CDH20: variants seen among roughly 807,000 people sequenced by gnomAD.
CDH20 encodes the protein cadherin-20.
In CDH20, 29 loss-of-function variants were observed where a neutral mutation model predicts 74.2. The observed-to-expected ratio is 0.39, with a 90% CI of 0.29 to 0.53. The LOEUF (loss-of-function observed/expected upper bound fraction) is 0.53. Ranked by LOEUF, CDH20 falls within the 20% of genes least tolerant of loss-of-function variation. The pLI is 0.69. For missense variants in CDH20, 988 were observed against 1,048.3 expected (o/e 0.94, Z 0.79); for synonymous variants, 469 against 405.4 (o/e 1.16, Z -1.88).
At chr18:61,427,732 T>C (rs545851758) in intron 1 of CDH20, among the ~76,000 whole-genome samples, 1 of 152,366 alleles carries the variant, frequency 6.6e-6, no homozygotes, top group East Asian at 1.9e-4. Context: ...CAGCACTAGC[T>C]GGTTGATCAC....
At chr18:61,507,307 A>G in intron 5 of CDH20, 66 bp from the exon 6 acceptor site, 1 of 1,450,252 alleles carries the variant, frequency 6.9e-7, no homozygotes, top group Non-Finnish European at 9.6e-7. Flanking sequence ...TCCTGATATG[A>G]TAATGATGAG....
At chr18:61,415,729 C>G (rs1912659959) in intron 1 of CDH20, among the ~76,000 whole-genome samples, 1 of 151,960 alleles carries the variant, frequency 6.6e-6, no homozygotes, top group Non-Finnish European at 1.5e-5. Flanking sequence ...TATCTCTTTC[C>G]TTTATCATTT....
At chr18:61,378,372 C>T (rs2144173662) in intron 1 of CDH20, among the ~76,000 whole-genome samples, 1 of 152,226 alleles carries the variant, frequency 6.6e-6, no homozygotes, top group Admixed American at 6.5e-5. Flanking sequence ...AGTTCAGGTC[C>T]AAAGGTGGGA....
At chr18:61,537,301 T>C (rs937829369) in intron 8 of CDH20, among the ~76,000 whole-genome samples, 1 of 152,154 alleles carries the variant, frequency 6.6e-6, no homozygotes. Context: ...CCAAAATATT[T>C]ATACTCTTTC....
intron 1 of CDH20, among the ~76,000 whole-genome samples, chr18:61,426,622 T>C (rs1321947206): frequency 1.3e-5 from 2 of 152,208 alleles, no homozygotes; most frequent in African/African-American, 4.8e-5. Context: ...TATCTGCCCA[T>C]TGACTCCCAG....
chr18:61,462,390 A>G (rs1352222789), intron 1 of CDH20, among the ~76,000 whole-genome samples: 2 of 152,254 alleles, frequency 1.3e-5, no homozygotes, highest in East Asian at 3.9e-4. Flanking sequence ...CTGCCTCAAT[A>G]TTGGGTTAAG....
intron 7 of CDH20, 136 bp downstream of exon 7, chr18:61,528,356 G>GT: frequency 4.1e-5 from 34 of 823,018 alleles, no homozygotes; most frequent in South Asian, 8.3e-5. Flanking sequence ...AGTTTTTTGT[G>GT]TTGTTTTTTT....
chr18:61,427,428 C>T (rs760927096), intron 1 of CDH20, among the ~76,000 whole-genome samples: 18 of 152,100 alleles, frequency 1.2e-4, no homozygotes, highest in Non-Finnish European at 2.4e-4. Flanking sequence ...TGATTCCCAC[C>T]TTGATAGCCT....
intron 5 of CDH20, among the ~76,000 whole-genome samples, chr18:61,505,799 A>C (rs1166948521): frequency 6.6e-6 from 1 of 152,234 alleles, no homozygotes; most frequent in Non-Finnish European, 1.5e-5. Context: ...GTCTCTATGC[A>C]TTCTACACAC....
intron 1 of CDH20, among the ~76,000 whole-genome samples, chr18:61,425,088 G>A (rs1913027564): frequency 1.5e-5 from 2 of 129,692 alleles, no homozygotes; most frequent in South Asian, 4.9e-4. Flanking sequence ...ACTCACTCCG[G>A]CTCTAGGTAT....
intron 1 of CDH20, among the ~76,000 whole-genome samples, chr18:61,374,632 T>G (rs554377322): frequency 5.9e-5 from 9 of 152,298 alleles, no homozygotes; most frequent in Admixed American, 5.9e-4. Context: ...TATGAAATTT[T>G]TATGTTTAAA....
At chr18:61,343,642 G>C (rs144262089) in intron 1 of CDH20, among the ~76,000 whole-genome samples, 1 of 152,152 alleles carries the variant, frequency 6.6e-6, no homozygotes, top group African/African-American at 2.4e-5. Flanking sequence ...CACTGGCCAG[G>C]AAAGGGCTCA....
chr18:61,550,086 G>A lies in CDH20; in HGVS notation c.1757G>A (p.Ser586Asn). Reference protein sequence around the residue: ...IADSGQPVLSSTGTLTIQVCS... With the variant: ...IADSGQPVLSNTGTLTIQVCS... The stretch of plus-strand genomic sequence containing the variant: ...GATAGCGGGCAGCCCGTGCTGAGCA[G>A]CACAGGCACACTGACCATCCAAGTG... The change falls in exon 11 of 12, where the codon AGC becomes AAC. Residue 586 changes from serine to asparagine, a missense_variant. Ser to Asn is a conservative substitution (Grantham distance 46). Coordinates refer to ENST00000262717, the MANE Select transcript of CDH20 (RefSeq NM_031891.4). The A allele has an allele frequency of 6.2e-7, 1 of 1,614,114 alleles. No individual in the cohort carries two copies.
intron 5 of CDH20, among the ~76,000 whole-genome samples, chr18:61,504,403 G>A (rs1268027894): frequency 6.6e-6 from 1 of 152,182 alleles, no homozygotes; most frequent in Non-Finnish European, 1.5e-5. Flanking sequence ...TGACAATGAC[G>A]TTTTCACTCT....
intron 7 of CDH20, 120 bp downstream of exon 7, chr18:61,528,340 T>A: frequency 1.9e-6 from 2 of 1,033,190 alleles, no homozygotes; most frequent in Non-Finnish European, 2.8e-6. Flanking sequence ...GAGACTCTCC[T>A]CTTTGAGTTT....
At chr18:61,444,004 A>C (rs925457302) in intron 1 of CDH20, among the ~76,000 whole-genome samples, 12 of 151,890 alleles carry the variant, frequency 7.9e-5, no homozygotes, top group Non-Finnish European at 1.5e-4. Context: ...AGTTGTCTGG[A>C]CCCGTTACTC....
At chr18:61,454,989 T>G (rs1909523947) in intron 1 of CDH20, among the ~76,000 whole-genome samples, 1 of 152,188 alleles carries the variant, frequency 6.6e-6, no homozygotes, top group Non-Finnish European at 1.5e-5. Flanking sequence ...GGAAGCCATT[T>G]AAGCCATAGA....
intron 4 of CDH20, 70 bp downstream of exon 4, chr18:61,500,572 C>T (rs1456121236): frequency 1.3e-6 from 2 of 1,493,786 alleles, no homozygotes; most frequent in East Asian, 4.6e-5. Flanking sequence ...TATGACAGAC[C>T]CAACTCTCCT....
At chr18:61,503,655 G>A (rs1483795908) in intron 5 of CDH20, among the ~76,000 whole-genome samples, 3 of 152,214 alleles carry the variant, frequency 2.0e-5, no homozygotes, top group Non-Finnish European at 2.9e-5. Context: ...TGGACATGAA[G>A]GGCACAGGAG....
Sources: allele counts gnomAD v4.1 joint callset (sites outside exome capture counted in the v4.1 genomes callset), GRCh38; gene constraint gnomAD v4.1.1; transcripts MANE v1.5; gene names NCBI Gene and HGNC (gene_info 2026-07-23, HGNC 2026-07-21).